The following ANTXR2 variants were observed in gnomAD, a reference collection of about 807,000 sequenced individuals.
ANTXR2 encodes ANTXR cell adhesion molecule 2, also known as anthrax toxin receptor 2.
ANTXR2 carries 44 observed loss-of-function variants against 73.7 expected under a neutral mutation model. The ratio of observed to expected loss-of-function variants is 0.60; its 90% CI spans 0.47 to 0.77. The LOEUF is 0.77. Ranked by LOEUF, ANTXR2 falls within the 30% of genes least tolerant of loss-of-function variation. The pLI, the probability that ANTXR2 is intolerant of heterozygous loss-of-function variation, is 0.00. For missense variants in ANTXR2, 604 were observed against 592.5 expected (o/e 1.02, Z -0.20); for synonymous variants, 217 against 205.9 (o/e 1.05, Z -0.46).
intron 16 of ANTXR2, among the ~76,000 whole-genome samples, chr4:79,917,486 G>A (rs915737428): frequency 2.0e-5 from 3 of 152,114 alleles, no homozygotes; most frequent in Non-Finnish European, 4.4e-5. Flanking sequence ...GTTTGAAAGT[G>A]GGTCTCCCAA....
At chr4:79,995,493 G>A (rs1730681550) in intron 12 of ANTXR2, among the ~76,000 whole-genome samples, 1 of 151,896 alleles carries the variant, frequency 6.6e-6, no homozygotes, top group South Asian at 2.1e-4. Context: ...TAACCCAATT[G>A]TAGAAGAGGA....
intron 16 of ANTXR2, chr4:79,964,955 A>G (rs1311856164): frequency 6.6e-6 from 1 of 152,226 alleles, no homozygotes; most frequent in Non-Finnish European, 1.5e-5. Flanking sequence ...CGCGCGGAAG[A>G]GAGCGCGAGA....
intron 12 of ANTXR2, among the ~76,000 whole-genome samples, chr4:80,004,295 A>G (rs535911007): frequency 1.3e-5 from 2 of 152,220 alleles, no homozygotes; most frequent in East Asian, 1.9e-4. Flanking sequence ...GTCTGAAAAC[A>G]TAAAAATTCC....
In ANTXR2 at chr4:80,069,394, C is replaced by T. The variant is rs1734674824; in HGVS notation, c.296+42G>A. ...AAATATCAATCATGCCTTTAAAATTCATCTCTACTAAAAGCCTGCAGTGAA... is the reference window on the plus strand; with the variant it reads ...AAATATCAATCATGCCTTTAAAATTTATCTCTACTAAAAGCCTGCAGTGAA... On this transcript the variant is annotated intron_variant, in intron 3 of 16. Coordinates refer to ENST00000403729, the MANE Select transcript of ANTXR2 (RefSeq NM_058172.6). 4.1e-6 allele frequency: 6 copies of T among 1,453,312 alleles called. No individual in the cohort carries two copies. In the South Asian group the frequency reaches 7.4e-5, roughly 18 times the overall value. 90.0% of individuals were successfully genotyped at this position (1,453,312 alleles called of 1,614,324 possible).
At position 80,002,145 on chromosome 4, in the gene ANTXR2, C is replaced by T. The variant is rs189337150; in HGVS notation, c.1041+6376G>A. 4.6e-3 allele frequency among the ~76,000 whole-genome samples: 695 copies of T among 152,270 alleles called. 10 individuals are homozygous for T. The highest frequency in any genetic ancestry group is 0.016 in the African/African-American group (660 of 41,558). ...GAACAAAGCTGGAGGCATCACGCTA[C>T]CTGACTTCAAACTATACTACAAGGG... is the stretch of plus-strand genomic sequence containing the variant. On this transcript the variant is annotated intron_variant, in intron 12 of 16. Coordinates refer to ENST00000403729, the MANE Select transcript of ANTXR2 (RefSeq NM_058172.6).
At chr4:80,071,883 T>A (rs1734805303) in intron 1 of ANTXR2, among the ~76,000 whole-genome samples, 1 of 152,058 alleles carries the variant, frequency 6.6e-6, no homozygotes, top group African/African-American at 2.4e-5. Context: ...TCAGCCCGTT[T>A]TCTGGGGTGG....
chr4:79,918,450 TC>T (rs1727440994), intron 16 of ANTXR2, among the ~76,000 whole-genome samples: 1 of 148,692 alleles, frequency 6.7e-6, no homozygotes, highest in African/African-American at 2.5e-5. Flanking sequence ...CATAACTCTT[TC>T]CCCTTACCCT....
At chr4:79,992,702 T>C (rs977624947) in intron 12 of ANTXR2, among the ~76,000 whole-genome samples, 9 of 152,064 alleles carry the variant, frequency 5.9e-5, no homozygotes, top group African/African-American at 2.2e-4. Context: ...GACTATGAAC[T>C]TGCATGTCCA....
At chr4:80,041,172 C>T (rs1349563693) in intron 7 of ANTXR2, among the ~76,000 whole-genome samples, 1 of 151,802 alleles carries the variant, frequency 6.6e-6, no homozygotes, top group African/African-American at 2.4e-5. Flanking sequence ...TTTTAACTGC[C>T]CTAGAAGAAT....
intron 12 of ANTXR2, among the ~76,000 whole-genome samples, chr4:79,995,730 T>C (rs1730692932): frequency 6.6e-6 from 1 of 152,012 alleles, no homozygotes; most frequent in African/African-American, 2.4e-5. Context: ...TAGCATGCCA[T>C]TATTCTTTTG....
Position 80,072,628 on chromosome 4 carries a change from G to A in ANTXR2, c.-68C>T. ...CTAAGCTCAGGAGGGTCGCAAAGGTGGCGGGAGTCACCCGGCACGCACTCT... is the reference window on the plus strand; with the variant it reads ...CTAAGCTCAGGAGGGTCGCAAAGGTAGCGGGAGTCACCCGGCACGCACTCT... On this transcript the variant is annotated 5_prime_UTR_variant, in exon 1 of 17. Transcript: ENST00000403729. The A allele has an allele frequency of 1.5e-6, 2 of 1,378,824 alleles. No individual in the cohort carries two copies. Among genetic ancestry groups the A allele is most frequent in the South Asian group, 3.3e-5 (2 of 60,426 alleles). 85.4% of individuals were successfully genotyped at this position (1,378,824 alleles called of 1,614,324 possible). A position where few individuals can be genotyped will look rare whatever the true frequency, so the allele number is the denominator to read the frequency against.
intron 16 of ANTXR2, among the ~76,000 whole-genome samples, chr4:79,950,128 C>T (rs1389127562): frequency 1.3e-5 from 2 of 151,672 alleles, no homozygotes; most frequent in African/African-American, 4.8e-5. Context: ...ATTAAATAGT[C>T]ATCCTAAAAC....
intron 7 of ANTXR2, among the ~76,000 whole-genome samples, chr4:80,042,226 T>A (rs1409427453): frequency 1.3e-5 from 2 of 152,204 alleles, no homozygotes; most frequent in East Asian, 3.9e-4. Flanking sequence ...GCCCTAACTC[T>A]GGTTTTCGAA....
At chr4:80,036,558 T>G (rs75688448) in intron 7 of ANTXR2, among the ~76,000 whole-genome samples, 15,863 of 152,058 alleles carry the variant, frequency 0.1, 1,877 homozygotes, top group East Asian at 0.64. Context: ...CGCAGCCGTT[T>G]GGGAGGCCGA....
At chr4:80,050,283 T>C (rs1236162032) in intron 7 of ANTXR2, among the ~76,000 whole-genome samples, 1 of 151,708 alleles carries the variant, frequency 6.6e-6, no homozygotes, top group African/African-American at 2.4e-5. Context: ...CCAGCGCACA[T>C]CCAAATGCTT....
chr4:80,007,913 A>AT lies in ANTXR2; in HGVS notation c.1041+607dup, dbSNP rs139460740. On this transcript the variant is annotated intron_variant, in intron 12 of 16. Coordinates refer to ENST00000403729, the MANE Select transcript of ANTXR2 (RefSeq NM_058172.6). ...TAAATTTGTGTTGCTTTTAGTCAAC[A>AT]TATGTGTGGCAATTTGTTACAGCAG... Among the ~76,000 whole-genome samples, 876 of 152,358 alleles carry AT rather than the reference A, an allele frequency of 5.7e-3. 5 individuals carry two copies. The highest frequency in any genetic ancestry group is 0.02 in the African/African-American group (824 of 41,580).
chr4:79,913,264 A>G (rs1727217366), intron 16 of ANTXR2, among the ~76,000 whole-genome samples: 1 of 152,192 alleles, frequency 6.6e-6, no homozygotes, highest in South Asian at 2.1e-4. Context: ...AGTTTGACTC[A>G]AGAGCACATT....
rs779926440 is a variant in ANTXR2, at chr4:80,055,939, A to G, written c.371T>C (p.Leu124Pro). 10 of 1,542,370 alleles carry G rather than the reference A, an allele frequency of 6.5e-6. No individual in the cohort carries two copies. The highest frequency in any genetic ancestry group is 8.8e-6 in the Non-Finnish European group (10 of 1,142,814). ...AAATGTAAAATAACTTACTAGCTTT[A>G]GTCCTTCATGGATATATGTCTCTCC... ...PVGETYIHEG[L>P]KLANEQIQKA... Residue 124 changes from leucine to proline, a missense_variant, in exon 4 of 17, where the codon CTA becomes CCA. Leu to Pro is a moderately conservative substitution (Grantham distance 98, BLOSUM62 -3). Coordinates refer to ENST00000403729, the MANE Select transcript of ANTXR2 (RefSeq NM_058172.6).
intron 16 of ANTXR2, among the ~76,000 whole-genome samples, chr4:79,963,932 G>A (rs760301814): frequency 2.1e-4 from 32 of 152,110 alleles, no homozygotes; most frequent in Non-Finnish European, 4.3e-4. Context: ...TTTTTTATAT[G>A]TAACTATAGG....
Sources: allele counts gnomAD v4.1 joint callset (sites outside exome capture counted in the v4.1 genomes callset), GRCh38; gene constraint gnomAD v4.1.1; transcripts MANE v1.5; gene names NCBI Gene and HGNC (gene_info 2026-07-23, HGNC 2026-07-21).